The following GRIK2 variants were observed in gnomAD, a reference collection of about 807,000 sequenced individuals.
The protein encoded by GRIK2 is glutamate ionotropic receptor kainate type subunit 2, also known as glutamate receptor ionotropic, kainate 2.
A neutral mutation model predicts 100.3 loss-of-function variants in GRIK2; 32 were observed. The ratio of observed to expected loss-of-function variants is 0.32; its 90% CI spans 0.24 to 0.43. The LOEUF (loss-of-function observed/expected upper bound fraction) is 0.43, where lower values mean the gene tolerates loss of function less well. GRIK2 is among the 20% of genes least tolerant of loss of function. The pLI, the probability that GRIK2 is intolerant of heterozygous loss-of-function variation, is 1.00. For missense variants in GRIK2, 843 were observed against 1,114.9 expected (o/e 0.76, Z 3.47); for synonymous variants, 417 against 389.4 (o/e 1.07, Z -0.83).
intron 15 of GRIK2, among the ~76,000 whole-genome samples, chr6:102,045,391 C>T (rs1401867461): frequency 6.6e-6 from 1 of 152,082 alleles, no homozygotes; most frequent in Non-Finnish European, 1.5e-5. Flanking sequence ...CTCTTTCCAT[C>T]TACATTCCAG....
intron 12 of GRIK2, among the ~76,000 whole-genome samples, chr6:101,899,602 A>T (rs1345531905): frequency 6.6e-6 from 1 of 152,104 alleles, no homozygotes; most frequent in Non-Finnish European, 1.5e-5. Context: ...TTAAATCCTA[A>T]ATTAATTACT....
In GRIK2 at chr6:101,714,032, T is replaced by G. The variant is rs150955971; in HGVS notation, c.951+27679T>G. On this transcript the variant is annotated intron_variant, in intron 7 of 16. Coordinates refer to ENST00000369134, the MANE Select transcript of GRIK2 (RefSeq NM_021956.5). ...CTTTCAAAATATGCTTTCTTTTTAG[T>G]AAAATAAAGATCCACCTTTCTTTCT... 1.8e-3 allele frequency among the ~76,000 whole-genome samples: 272 copies of G among 151,852 alleles called. 2 individuals carry two copies. The highest frequency in any genetic ancestry group is 3.4e-3 in the Admixed American group (52 of 15,190).
intron 2 of GRIK2, among the ~76,000 whole-genome samples, chr6:101,610,331 A>G (rs528124906): frequency 1.5e-4 from 23 of 151,886 alleles, no homozygotes; most frequent in African/African-American, 5.3e-4. Context: ...GCATTTTTAT[A>G]AAATATTAAC....
At chr6:101,501,264 A>T (rs1049404331) in intron 2 of GRIK2, among the ~76,000 whole-genome samples, 26 of 152,200 alleles carry the variant, frequency 1.7e-4, no homozygotes, top group African/African-American at 1.9e-4. Context: ...TTTTCTAAAC[A>T]TCTCATTTTA....
intron 2 of GRIK2, among the ~76,000 whole-genome samples, chr6:101,405,998 C>T (rs187628387): frequency 5.2e-4 from 79 of 152,266 alleles, no homozygotes; most frequent in African/African-American, 1.7e-3. Flanking sequence ...TTTACCTTCT[C>T]GCCCATTCAC....
chr6:101,934,513 T>G (rs1339735252), intron 14 of GRIK2, among the ~76,000 whole-genome samples: 2 of 152,024 alleles, frequency 1.3e-5, no homozygotes, highest in Admixed American at 6.6e-5. Context: ...GTGGCATGCC[T>G]GCAATAATTT....
At chr6:101,849,908 T>C (rs540391177) in intron 10 of GRIK2, among the ~76,000 whole-genome samples, 3 of 145,460 alleles carry the variant, frequency 2.1e-5, no homozygotes, top group Non-Finnish European at 4.5e-5. Flanking sequence ...TGCATTGATA[T>C]CTTTAAGAAA....
chr6:102,063,339 A>T (rs890926775), intron 16 of GRIK2, among the ~76,000 whole-genome samples: 2 of 150,786 alleles, frequency 1.3e-5, no homozygotes, highest in African/African-American at 4.8e-5. Flanking sequence ...TTAAAAATAA[A>T]TACTAAATGC....
chr6:101,911,400 G>C (rs1308100989), intron 12 of GRIK2, among the ~76,000 whole-genome samples: 1 of 151,436 alleles, frequency 6.6e-6, no homozygotes, highest in Non-Finnish European at 1.5e-5. Flanking sequence ...ATTATTTATA[G>C]TTTTATAAAA....
At chr6:101,581,441 A>G (rs982970355) in intron 2 of GRIK2, among the ~76,000 whole-genome samples, 1 of 152,076 alleles carries the variant, frequency 6.6e-6, no homozygotes, top group Admixed American at 6.6e-5. Context: ...CTTGGTGTCC[A>G]GTGTTTGAGG....
intron 7 of GRIK2, among the ~76,000 whole-genome samples, chr6:101,695,399 C>T (rs1772409630): frequency 6.6e-6 from 1 of 152,044 alleles, no homozygotes; most frequent in Admixed American, 6.6e-5. Flanking sequence ...CCTTTTAATT[C>T]TGTTTTATTG....
chr6:101,672,096 C>T (rs1048935334), intron 4 of GRIK2, among the ~76,000 whole-genome samples: 1 of 152,062 alleles, frequency 6.6e-6, no homozygotes, highest in Admixed American at 6.6e-5. Context: ...GATGCTCAAA[C>T]TATCTTATGG....
intron 7 of GRIK2, among the ~76,000 whole-genome samples, chr6:101,687,145 G>A (rs925758609): frequency 6.6e-6 from 1 of 151,852 alleles, no homozygotes; most frequent in Admixed American, 6.6e-5. Context: ...TTGAAAGATG[G>A]TATGTATTTG....
chr6:101,792,787 A>G (rs1301852424), intron 7 of GRIK2, among the ~76,000 whole-genome samples: 2 of 151,974 alleles, frequency 1.3e-5, no homozygotes, highest in Non-Finnish European at 2.9e-5. Context: ...CTCCTGGATA[A>G]TATCCTGCAG....
At chr6:101,497,601 T>A (rs897669184) in intron 2 of GRIK2, among the ~76,000 whole-genome samples, 2 of 152,120 alleles carry the variant, frequency 1.3e-5, no homozygotes, top group Admixed American at 6.6e-5. Context: ...CTACTATACA[T>A]CTTGTTATTG....
intron 14 of GRIK2, among the ~76,000 whole-genome samples, chr6:102,016,346 G>T (rs1177797565): frequency 6.6e-6 from 1 of 151,956 alleles, no homozygotes; most frequent in Non-Finnish European, 1.5e-5. Flanking sequence ...ATTTTATATT[G>T]CATTTGCAAG....
intron 14 of GRIK2, among the ~76,000 whole-genome samples, chr6:101,936,582 C>T (rs188113621): frequency 2.0e-5 from 3 of 152,136 alleles, no homozygotes; most frequent in African/African-American, 4.8e-5. Context: ...ATCTAACACA[C>T]AATTTATTGT....
intron 11 of GRIK2, among the ~76,000 whole-genome samples, chr6:101,872,934 C>T (rs966525314): frequency 4.0e-5 from 6 of 151,780 alleles, no homozygotes; most frequent in Non-Finnish European, 4.4e-5. Flanking sequence ...ATATTTAAAG[C>T]AGGGTTCACT....
chr6:101,854,161 G>A (rs76292777), intron 10 of GRIK2, among the ~76,000 whole-genome samples: 3,745 of 152,216 alleles, frequency 0.025, 166 homozygotes, highest in African/African-American at 0.085. Context: ...TGATAGTAGG[G>A]TAAACTAGGC....
Sources: gnomAD v4.1 joint callset for allele counts (sites outside exome capture counted in the v4.1 genomes callset) on GRCh38, gnomAD v4.1.1 for gene constraint, MANE v1.5 for transcripts, NCBI Gene and HGNC (gene_info 2026-07-23, HGNC 2026-07-21) for gene names.